The following NEBL variants were observed in gnomAD, a reference collection of about 807,000 sequenced individuals.
NEBL encodes the protein nebulette.
A neutral mutation model predicts 140.2 loss-of-function variants in NEBL; 122 were observed. That is an observed-to-expected ratio of 0.87 (90% CI 0.75 to 1.01). The LOEUF (loss-of-function observed/expected upper bound fraction) is 1.01, where lower values mean the gene tolerates loss of function less well. Ranked by LOEUF, NEBL falls within the 50% of genes least tolerant of loss-of-function variation. NEBL has a pLI of 0.00. For synonymous variants in NEBL, 436 were observed against 398.9 expected (o/e 1.09, Z -1.11); for missense variants, 1,365 against 1,231.3 (o/e 1.11, Z -1.62).
At chr10:20,893,943 T>C (rs1847233160) in intron 2 of NEBL, among the ~76,000 whole-genome samples, 1 of 152,228 alleles carries the variant, frequency 6.6e-6, no homozygotes, top group Non-Finnish European at 1.5e-5. Context: ...AACAGCTTTC[T>C]GCAGCTCCCA....
At chr10:20,868,357 T>C in intron 7 of NEBL, 1 of 325,324 alleles carries the variant, frequency 3.1e-6, no homozygotes, top group Non-Finnish European at 5.8e-6. Context: ...AAAACACAAT[T>C]ATTTAGTATG....
At chr10:21,056,182 T>C (rs1377417189) in intron 2 of NEBL, among the ~76,000 whole-genome samples, 3 of 152,230 alleles carry the variant, frequency 2.0e-5, no homozygotes, top group Non-Finnish European at 4.4e-5. Context: ...ATCATGAAGC[T>C]ATTAGGTTTT....
At chr10:20,893,684 G>A (rs912580686) in intron 2 of NEBL, among the ~76,000 whole-genome samples, 8 of 152,186 alleles carry the variant, frequency 5.3e-5, no homozygotes, top group African/African-American at 1.9e-4. Flanking sequence ...ACAAGGGGAT[G>A]ATATAGCAGT....
intron 3 of NEBL, among the ~76,000 whole-genome samples, chr10:21,230,819 G>A (rs181063735): frequency 7.6e-4 from 115 of 152,102 alleles, no homozygotes; most frequent in Non-Finnish European, 1.5e-3. Context: ...TGCTCAGGCT[G>A]GTCTTGAACT....
chr10:21,271,479 T>C (rs747028619), intron 1 of NEBL, among the ~76,000 whole-genome samples: 4 of 152,056 alleles, frequency 2.6e-5, no homozygotes, highest in Non-Finnish European at 5.9e-5. Context: ...CTATAGTCGA[T>C]AATAATGTTT....
intron 4 of NEBL, among the ~76,000 whole-genome samples, chr10:20,954,719 C>T (rs992200004): frequency 2.6e-5 from 4 of 152,194 alleles, no homozygotes; most frequent in Admixed American, 6.5e-5. Flanking sequence ...CCCCCACCAC[C>T]ACCCCGCCCC....
chr10:21,182,538 A>C (rs749881603), intron 3 of NEBL, among the ~76,000 whole-genome samples: 39 of 152,222 alleles, frequency 2.6e-4, no homozygotes, highest in Admixed American at 2.3e-3. Flanking sequence ...CTTGTCTTTA[A>C]GACAAATATT....
At chr10:20,803,206 G>T (rs147274457) in intron 26 of NEBL, among the ~76,000 whole-genome samples, 24 of 152,274 alleles carry the variant, frequency 1.6e-4, no homozygotes, top group African/African-American at 5.5e-4. Context: ...ACTGTAGGAT[G>T]ACTATAGTTA....
chr10:20,882,884 T>C (rs944883798), intron 4 of NEBL, among the ~76,000 whole-genome samples: 2 of 152,208 alleles, frequency 1.3e-5, no homozygotes, highest in Non-Finnish European at 2.9e-5. Context: ...GATTAAAATT[T>C]CTTTCTTTAC....
chr10:21,117,459 T>G (rs117567360), intron 2 of NEBL, among the ~76,000 whole-genome samples: 1 of 152,194 alleles, frequency 6.6e-6, no homozygotes, highest in Non-Finnish European at 1.5e-5. Context: ...GAACTCTGTC[T>G]CCTCAACTTA....
chr10:21,131,704 C>T (rs1428101082), intron 2 of NEBL, among the ~76,000 whole-genome samples: 1 of 123,814 alleles, frequency 8.1e-6, no homozygotes, highest in African/African-American at 2.9e-5. Context: ...AAGATTGAAA[C>T]AGAAGCAGCA....
intron 4 of NEBL, among the ~76,000 whole-genome samples, chr10:20,905,901 A>G (rs1410857347): frequency 1.3e-5 from 2 of 152,156 alleles, no homozygotes; most frequent in Non-Finnish European, 2.9e-5. Flanking sequence ...AGTTTGAACC[A>G]TGAAGCCTTT....
intron 2 of NEBL, among the ~76,000 whole-genome samples, chr10:21,047,096 T>C (rs950671740): frequency 6.6e-6 from 1 of 152,188 alleles, no homozygotes; most frequent in Non-Finnish European, 1.5e-5. Flanking sequence ...TTTCCAGATG[T>C]ACTGAAAGTC....
At chr10:21,131,686 A>G (rs1389198587) in intron 2 of NEBL, among the ~76,000 whole-genome samples, 3 of 123,826 alleles carry the variant, frequency 2.4e-5, no homozygotes, top group African/African-American at 8.6e-5. Flanking sequence ...GACATAGAAC[A>G]CTGCTTCAAG....
intron 3 of NEBL, among the ~76,000 whole-genome samples, chr10:21,243,744 C>A (rs1842474356): frequency 6.6e-6 from 1 of 152,192 alleles, no homozygotes; most frequent in Non-Finnish European, 1.5e-5. Flanking sequence ...TCAACCTGCG[C>A]TTCCTTTCCG....
intron 3 of NEBL, among the ~76,000 whole-genome samples, chr10:21,001,919 CA>C (rs1837919811): frequency 6.6e-6 from 1 of 152,166 alleles, no homozygotes; most frequent in South Asian, 2.1e-4. Flanking sequence ...TTTCCACCAA[CA>C]CTTATTTCTC....
Position 20,911,783 on chromosome 10 carries a change from T to C in NEBL, c.357+49889A>G, listed in dbSNP as rs140638478. ...TAAACATCATCAGTGGGAAATTAAA[T>C]TCTGATAGAGCCAAGAGTATGACTT... On this transcript the variant is annotated intron_variant, in intron 4 of 6. Coordinates refer to the NEBL transcript ENST00000417816. Among the ~76,000 whole-genome samples, 19 of 152,332 alleles carry C rather than the reference T, an allele frequency of 1.2e-4. 3 individuals carry two copies. The highest frequency in any genetic ancestry group is 4.6e-4 in the African/African-American group (19 of 41,578).
chr10:21,018,717 G>A lies in NEBL; in HGVS notation c.249+1400C>T, dbSNP rs1047732097. ...AAATGATTCAATCCCAAGCCACTGA[G>A]AGCTGCCTGCTCTCATTAAGAAAGA... is the stretch of plus-strand genomic sequence containing the variant. On this transcript the variant is annotated intron_variant, in intron 3 of 6. Transcript: ENST00000417816. 6.8e-4 allele frequency among the ~76,000 whole-genome samples: 104 copies of A among 152,108 alleles called. 1 individual carries two copies. Among genetic ancestry groups the A allele is most frequent in the Non-Finnish European group, 2.6e-4 (18 of 68,010 alleles).
At chr10:21,225,745 G>A (rs552654929) in intron 3 of NEBL, among the ~76,000 whole-genome samples, 1 of 152,270 alleles carries the variant, frequency 6.6e-6, no homozygotes, top group African/African-American at 2.4e-5. Context: ...AGCTTGTGGT[G>A]AATGCTGTAA....
Sources: gnomAD v4.1 joint callset for allele counts (sites outside exome capture counted in the v4.1 genomes callset) on GRCh38, gnomAD v4.1.1 for gene constraint, MANE v1.5 for transcripts, NCBI Gene and HGNC (gene_info 2026-07-23, HGNC 2026-07-21) for gene names.